The following NCS1 variants were observed in gnomAD, a reference collection of about 807,000 sequenced individuals.
NCS1 encodes frequenin homolog.
Under a neutral mutation model 28.4 loss-of-function variants are expected in NCS1, and 6 were observed. The ratio of observed to expected loss-of-function variants is 0.21; its 90% CI spans 0.12 to 0.42. The LOEUF (loss-of-function observed/expected upper bound fraction) is 0.42. NCS1 is among the 10% of genes least tolerant of loss of function. The pLI is 1.00. For missense variants in NCS1, 131 were observed against 241.4 expected (o/e 0.54, Z 3.03); for synonymous variants, 86 against 99.3 (o/e 0.87, Z 0.79).
In NCS1 at chr9:130,236,289, T is replaced by G. The variant is rs1388801017; in HGVS notation, c.*3317T>G. 6.6e-6 allele frequency: 1 copy of G among 152,074 alleles called. No homozygotes were observed. Among genetic ancestry groups the G allele is most frequent in the African/African-American group, 2.4e-5 (1 of 41,422 alleles). 9.4% of individuals were successfully genotyped at this position (152,074 alleles called of 1,614,324 possible). ...CCTGTTCCCAGCGCGGTTTCAGCAT[T>G]TAATTTTAAGGGAGCTAAGGAAGCG... On this transcript the variant is annotated 3_prime_UTR_variant, in exon 8 of 8. Coordinates refer to ENST00000372398, the MANE Select transcript of NCS1 (RefSeq NM_014286.4).
chr9:130,205,863 G>A (rs1041334535), intron 2 of NCS1, among the ~76,000 whole-genome samples: 4 of 151,666 alleles, frequency 2.6e-5, no homozygotes, highest in Admixed American at 6.6e-5. Context: ...GAAAATAGGT[G>A]GTCTTTTCTC....
rs1368392239 is a variant in NCS1, at chr9:130,234,917, C to T, written c.*1945C>T. ...TTTGCAGAGTCAACAGCCCATCAGCCCATGTTTTAGAGGGGACACTTTGGT... is the reference window on the plus strand; with the variant it reads ...TTTGCAGAGTCAACAGCCCATCAGCTCATGTTTTAGAGGGGACACTTTGGT... On this transcript the variant is annotated 3_prime_UTR_variant, in exon 8 of 8. Coordinates refer to ENST00000372398, the MANE Select transcript of NCS1 (RefSeq NM_014286.4). The surrounding 1 kb of genome is among the most constrained non-coding windows in gnomAD (Gnocchi z 6.1). 3 of 152,300 alleles carry T rather than the reference C, an allele frequency of 2.0e-5. No individual in the cohort carries two copies. Among genetic ancestry groups the T allele is most frequent in the South Asian group, 2.1e-4 (1 of 4,826 alleles). The allele number at this position is 152,300 out of a possible 1,614,324, so 9.4% of individuals were successfully genotyped here.
At chr9:130,214,809 C>T (rs1241669762) in intron 2 of NCS1, among the ~76,000 whole-genome samples, 1 of 152,098 alleles carries the variant, frequency 6.6e-6, no homozygotes, top group African/African-American at 2.4e-5. Context: ...TTCTTGGGGC[C>T]CCTGCTATTG....
chr9:130,198,353 G>T, intron 1 of NCS1, among the ~76,000 whole-genome samples: 1 of 152,192 alleles, frequency 6.6e-6, no homozygotes. Context: ...CTTCGGAGCT[G>T]GGGGTCCAGG....
At chr9:130,185,893 C>T (rs909168920) in intron 1 of NCS1, among the ~76,000 whole-genome samples, 6 of 152,242 alleles carry the variant, frequency 3.9e-5, no homozygotes, top group Admixed American at 2.0e-4. Context: ...TGCGCCTGAG[C>T]GCAACATGAT....
chr9:130,194,802 G>C (rs890385650), intron 1 of NCS1, among the ~76,000 whole-genome samples: 1 of 152,242 alleles, frequency 6.6e-6, no homozygotes, highest in African/African-American at 2.4e-5. Flanking sequence ...TGGAGGCAGA[G>C]TGTGATGGAG....
At chr9:130,182,500 A>G (rs1564702549) in intron 1 of NCS1, among the ~76,000 whole-genome samples, 1 of 152,194 alleles carries the variant, frequency 6.6e-6, no homozygotes, top group South Asian at 2.1e-4. Context: ...TGCCTCCTGC[A>G]GGAGATTTGG....
Position 130,185,436 on chromosome 9 carries a change from G to GA in NCS1, c.64+12710dup, listed in dbSNP as rs1397202518. Among the ~76,000 whole-genome samples, 8 of 152,304 alleles carry GA rather than the reference G, an allele frequency of 5.3e-5. No individual in the cohort carries two copies. In the South Asian group the frequency reaches 1.2e-3, roughly 24 times the overall value. On this transcript the variant is annotated intron_variant, in intron 1 of 7. Coordinates refer to ENST00000372398, the MANE Select transcript of NCS1 (RefSeq NM_014286.4). ...CCCTCTCCTACCTCCTGGGCTGGGG[G>GA]AGGGGGGTTTTCCTCCGTGGCTGGG...
At chr9:130,183,908 C>G (rs534113816) in intron 1 of NCS1, among the ~76,000 whole-genome samples, 1 of 151,688 alleles carries the variant, frequency 6.6e-6, no homozygotes, top group Non-Finnish European at 1.5e-5. Flanking sequence ...CTCCCGGGTT[C>G]ACGCCATTCT....
chr9:130,218,075 G>C, intron 3 of NCS1, 105 bp downstream of exon 3: 1 of 1,445,294 alleles, frequency 6.9e-7, no homozygotes, highest in Non-Finnish European at 9.6e-7. Flanking sequence ...TTCTAGAGAA[G>C]GAACACACAC....
At chr9:130,224,703 C>A (rs1475971179) in intron 6 of NCS1, among the ~76,000 whole-genome samples, 2 of 152,034 alleles carry the variant, frequency 1.3e-5, no homozygotes, top group Non-Finnish European at 2.9e-5. Flanking sequence ...ACAGCAAACC[C>A]CCACAACACA....
chr9:130,224,388 T>A (rs1833382435), intron 6 of NCS1, among the ~76,000 whole-genome samples: 1 of 107,584 alleles, frequency 9.3e-6, no homozygotes, highest in Non-Finnish European at 1.9e-5. Context: ...TGAGACGCAG[T>A]CTCAAAAAAA....
At position 130,172,691 on chromosome 9, in the gene NCS1, C is replaced by T; in HGVS notation, c.28C>T (p.Pro10Ser). The T allele has an allele frequency of 6.6e-7, 1 of 1,516,052 alleles. No homozygotes were observed. The highest frequency in any genetic ancestry group is 8.9e-7 in the Non-Finnish European group (1 of 1,127,140). The allele number at this position is 1,516,052 out of a possible 1,614,324, so 93.9% of individuals were successfully genotyped here. MGKSNSKLK[P>S]EVVEELTRKT... ...GGGGAAATCCAACAGCAAGTTGAAG[C>T]CCGAAGTTGTGGAGGAGCTGACCAG... Residue 10 changes from proline to serine, a missense_variant, in exon 1 of 8, where the codon CCC (proline) becomes TCC (serine). By Grantham distance (74) the Pro-to-Ser change is moderately conservative (BLOSUM62 -1). Coordinates refer to ENST00000372398, the MANE Select transcript of NCS1 (RefSeq NM_014286.4).
chr9:130,197,104 C>T (rs373674142), intron 1 of NCS1, among the ~76,000 whole-genome samples: 1 of 152,176 alleles, frequency 6.6e-6, no homozygotes, highest in East Asian at 1.9e-4. Flanking sequence ...GAGACCTTCA[C>T]GGATAACGTG....
intron 1 of NCS1, among the ~76,000 whole-genome samples, chr9:130,178,495 A>G (rs1832606552): frequency 6.6e-6 from 1 of 152,162 alleles, no homozygotes; most frequent in South Asian, 2.1e-4. Context: ...TGCTGCTCCC[A>G]AGGCCTGTCT....
chr9:130,202,025 A>T (rs1336347007), intron 2 of NCS1, among the ~76,000 whole-genome samples: 1 of 152,104 alleles, frequency 6.6e-6, no homozygotes, highest in Non-Finnish European at 1.5e-5. Flanking sequence ...CCCCATCCGT[A>T]CATGTTCTCC....
intron 7 of NCS1, among the ~76,000 whole-genome samples, chr9:130,227,403 G>A (rs1833430685): frequency 6.6e-6 from 1 of 152,242 alleles, no homozygotes; most frequent in Admixed American, 6.5e-5. Flanking sequence ...GATGCCTGCT[G>A]TTGGTGTATA....
chr9:130,179,994 T>C (rs1195236487), intron 1 of NCS1, among the ~76,000 whole-genome samples: 3 of 130,120 alleles, frequency 2.3e-5, no homozygotes, highest in Non-Finnish European at 4.8e-5. Flanking sequence ...TTGCCTTCTT[T>C]TTATCTATCT....
At chr9:130,228,870 A>G (rs1402822341) in intron 7 of NCS1, among the ~76,000 whole-genome samples, 2 of 151,830 alleles carry the variant, frequency 1.3e-5, no homozygotes, top group Non-Finnish European at 2.9e-5. Context: ...GGGTTTCACC[A>G]TCTTGGCTAG....
Sources: gnomAD v4.1 joint callset for allele counts (sites outside exome capture counted in the v4.1 genomes callset) on GRCh38, gnomAD v4.1.1 for gene constraint, Gnocchi (gnomAD v3.1) non-coding constraint, MANE v1.5 for transcripts, NCBI Gene and HGNC (gene_info 2026-07-23, HGNC 2026-07-21) for gene names.